TMCO1: variants seen among roughly 807,000 people sequenced by gnomAD.
TMCO1 encodes calcium load-activated calcium channel.
In TMCO1, 29 loss-of-function variants were observed where a neutral mutation model predicts 29.3. The ratio of observed to expected loss-of-function variants is 0.99; its 90% CI spans 0.74 to 1.35. TMCO1 has a LOEUF of 1.35. Ranked by LOEUF, TMCO1 falls within the 40% of genes most tolerant of loss-of-function variation. TMCO1 has a pLI of 0.00. For missense variants in TMCO1, 173 were observed against 225.5 expected (o/e 0.77, Z 1.49); for synonymous variants, 80 against 77.1 (o/e 1.04, Z -0.20).
At chr1:165,735,332 G>A (rs1345670455) in intron 6 of TMCO1, among the ~76,000 whole-genome samples, 3 of 152,082 alleles carry the variant, frequency 2.0e-5, no homozygotes, top group Non-Finnish European at 4.4e-5. Flanking sequence ...AACCCCAGTT[G>A]GCACTGTGAA....
chr1:165,759,544 T>C lies in TMCO1; in HGVS notation c.189A>G (p.Arg63=). The change falls in exon 3 of 7, where the codon CGA becomes CGG. Residue 63 remains arginine (R), a synonymous_variant. Coordinates refer to ENST00000367881, the MANE Select transcript of TMCO1 (RefSeq NM_019026.6). ...TCTTACCTATTTTCTTTTTCTGTTG[T>C]CGACCAGCTGACTCTGTTATTGTTT... ...KKETITESAG[R]QQKKKIERQE... is the part of the protein sequence containing the mutation. 6.2e-7 allele frequency: 1 copy of C among 1,612,874 alleles called. No homozygotes were observed.
rs12079073 is a variant in TMCO1 at position 165,733,467 on chromosome 1, C to T, written c.469-5346G>A. The stretch of plus-strand genomic sequence containing the variant: ...TGGCCAACATGGTGAAACCCGTCTC[C>T]ACATGCGCCTGTAATCCTAGCTACT... On this transcript the variant is annotated intron_variant, in intron 6 of 6. Transcript: ENST00000367881. Among the ~76,000 whole-genome samples the T allele has an allele frequency of 7.5e-3, 1,132 of 151,824 alleles. 24 individuals carry two copies. Among genetic ancestry groups the T allele is most frequent in the South Asian group, 0.05 (241 of 4,808 alleles).
intron 2 of TMCO1, among the ~76,000 whole-genome samples, chr1:165,764,344 A>T (rs562943373): frequency 4.6e-5 from 7 of 152,342 alleles, no homozygotes; most frequent in Middle Eastern, 3.4e-3. Flanking sequence ...TCCTCATAGC[A>T]ATTACAGTTT....
chr1:165,756,047 TAAAA>T (rs35055828), intron 3 of TMCO1, among the ~76,000 whole-genome samples: 2 of 145,724 alleles, frequency 1.4e-5, no homozygotes, highest in Non-Finnish European at 1.5e-5. Context: ...GCAGCTTGTT[TAAAA>T]AAAAAAAAAA....
chr1:165,727,885 C>CCCAATTATTTCTAAG lies in TMCO1; in HGVS notation c.*137_*138insCTTAGAAATAATTGG. On this transcript the variant is annotated 3_prime_UTR_variant, in exon 7 of 7. Coordinates refer to ENST00000367881, the MANE Select transcript of TMCO1 (RefSeq NM_019026.6). ...GGCTGCCATTTTCACTCTAATCATA[C>CCCAATTATTTCTAAG]CCAAAAGGCTTAGAAATAATTCAAA... 1 of 640,188 alleles carries CCCAATTATTTCTAAG rather than the reference C, an allele frequency of 1.6e-6. No homozygotes were observed. The highest frequency in any genetic ancestry group is 2.8e-6 in the Non-Finnish European group (1 of 357,702). 39.7% of individuals were successfully genotyped at this position (640,188 alleles called of 1,614,324 possible).
At chr1:165,768,522 C>T in intron 1 of TMCO1, 160 bp downstream of exon 1, 1 of 1,552,246 alleles carries the variant, frequency 6.4e-7, no homozygotes, top group Non-Finnish European at 8.7e-7. Flanking sequence ...CCATACTCCC[C>T]TCCTGCTCCT....
intron 6 of TMCO1, among the ~76,000 whole-genome samples, chr1:165,741,239 C>T (rs1175380330): frequency 6.6e-6 from 1 of 152,182 alleles, no homozygotes. Context: ...CTAAGTTCAG[C>T]TGGTTTCCCC....
Position 165,768,783 on chromosome 1 carries a change from CA to C in TMCO1, c.-33del, listed in dbSNP as rs1197771764. 6.2e-7 allele frequency: 1 copy of C among 1,613,948 alleles called. No homozygotes were observed. The highest frequency in any genetic ancestry group is 8.5e-7 in the Non-Finnish European group (1 of 1,179,932). On this transcript the variant is annotated 5_prime_UTR_variant, in exon 1 of 7. Transcript: ENST00000367881. ...CCTTCGTCTCTGCACTCTCACCCGC[CA>C]GGGGGAAAGCGCTCTACAGCCAGGA...
At chr1:165,761,503 C>T (rs896950749) in intron 2 of TMCO1, among the ~76,000 whole-genome samples, 3 of 151,646 alleles carry the variant, frequency 2.0e-5, no homozygotes, top group South Asian at 2.1e-4. Context: ...TCACTGCACT[C>T]CAGCCTATGC....
chr1:165,751,662 G>A (rs1002794822), intron 5 of TMCO1, among the ~76,000 whole-genome samples: 1 of 150,914 alleles, frequency 6.6e-6, no homozygotes, highest in Non-Finnish European at 1.5e-5. Flanking sequence ...CCAAGATTGC[G>A]CCACTGCACT....
chr1:165,744,193 A>C (rs756814458), intron 5 of TMCO1, among the ~76,000 whole-genome samples: 1 of 152,196 alleles, frequency 6.6e-6, no homozygotes, highest in Non-Finnish European at 1.5e-5. Context: ...AAAACTGGGA[A>C]GAGAAGAAGG....
chr1:165,731,269 A>G (rs932438195), intron 6 of TMCO1, among the ~76,000 whole-genome samples: 5 of 152,242 alleles, frequency 3.3e-5, no homozygotes, highest in Non-Finnish European at 4.4e-5. Context: ...AAAGCAGTAA[A>G]AAGACCAAAT....
intron 3 of TMCO1, among the ~76,000 whole-genome samples, chr1:165,756,567 T>C (rs1159435457): frequency 1.3e-5 from 2 of 152,054 alleles, no homozygotes; most frequent in African/African-American, 4.8e-5. Flanking sequence ...AAATGCAAAA[T>C]AGTCAAAACA....
chr1:165,730,574 T>C (rs893195588), intron 6 of TMCO1, among the ~76,000 whole-genome samples: 10 of 152,208 alleles, frequency 6.6e-5, no homozygotes, highest in East Asian at 1.9e-4. Flanking sequence ...CTCTCCTTAG[T>C]AAAGATGGAG....
intron 6 of TMCO1, among the ~76,000 whole-genome samples, chr1:165,739,922 C>A (rs1470513533): frequency 6.6e-6 from 1 of 151,768 alleles, no homozygotes; most frequent in African/African-American, 2.4e-5. Flanking sequence ...ACCAGCCTGG[C>A]CAACATGGCG....
chr1:165,768,453 G>A (rs1652663358), intron 1 of TMCO1, 184 bp from the exon 2 acceptor site: 1 of 1,528,666 alleles, frequency 6.5e-7, no homozygotes. Context: ...ATGTGAAGGT[G>A]TCTCCACAAA....
At chr1:165,755,578 A>G (rs1652163981) in intron 3 of TMCO1, among the ~76,000 whole-genome samples, 1 of 152,158 alleles carries the variant, frequency 6.6e-6, no homozygotes, top group Non-Finnish European at 1.5e-5. Context: ...AGGCTGAGGC[A>G]AGAGGAGTTG....
intron 5 of TMCO1, among the ~76,000 whole-genome samples, chr1:165,748,340 T>C (rs1651875814): frequency 6.6e-6 from 1 of 152,074 alleles, no homozygotes; most frequent in South Asian, 2.1e-4. Flanking sequence ...AAGCAGGCTA[T>C]TGTGATACCA....
At chr1:165,728,287 C>T (rs950952304) in intron 6 of TMCO1, among the ~76,000 whole-genome samples, 166 bp from the exon 7 acceptor site, 12 of 150,374 alleles carry the variant, frequency 8.0e-5, no homozygotes, top group Non-Finnish European at 1.5e-4. Context: ...GATGGAGTCT[C>T]GCTCTGTCAC....
Sources: allele counts gnomAD v4.1 joint callset (sites outside exome capture counted in the v4.1 genomes callset), GRCh38; gene constraint gnomAD v4.1.1; transcripts MANE v1.5; gene names NCBI Gene and HGNC (gene_info 2026-07-23, HGNC 2026-07-21).